ALKBH8: variants seen among roughly 807,000 people sequenced by gnomAD.
ALKBH8 encodes alkB homolog 8, tRNA methyltransferase.
A neutral mutation model predicts 59.8 loss-of-function variants in ALKBH8; 36 were observed. That is an observed-to-expected ratio of 0.60 (90% CI 0.46 to 0.79). The LOEUF is 0.79. Among genes scored for constraint, ALKBH8 ranks in the 30% least tolerant of loss-of-function variants. The pLI is 0.00. For missense variants in ALKBH8, 768 were observed against 801.0 expected (o/e 0.96, Z 0.50); for synonymous variants, 276 against 273.6 (o/e 1.01, Z -0.09).
chr11:107,514,648 A>G (rs1373282582), intron 10 of ALKBH8, among the ~76,000 whole-genome samples: 1 of 152,198 alleles, frequency 6.6e-6, no homozygotes, highest in Non-Finnish European at 1.5e-5. Flanking sequence ...GCCAACAGTC[A>G]GAATATCAAG....
chr11:107,505,833 G>A (rs943754839), intron 11 of ALKBH8, among the ~76,000 whole-genome samples: 3 of 152,324 alleles, frequency 2.0e-5, no homozygotes, highest in Admixed American at 6.5e-5. Flanking sequence ...AACAGAATAT[G>A]AGCAGAATGC....
chr11:107,527,502 A>G (rs1863403652), intron 8 of ALKBH8, among the ~76,000 whole-genome samples: 1 of 152,036 alleles, frequency 6.6e-6, no homozygotes, highest in African/African-American at 2.4e-5. Flanking sequence ...TGTCATTGCC[A>G]TATTTCACTC....
intron 8 of ALKBH8, 45 bp downstream of exon 8, chr11:107,532,255 G>C (rs1467184105): frequency 6.6e-7 from 1 of 1,517,510 alleles, no homozygotes; most frequent in East Asian, 2.3e-5. Context: ...AGAAGAATGA[G>C]AAGTCTCATA....
At position 107,511,044 on chromosome 11, in the gene ALKBH8, A is replaced by G; in HGVS notation, c.1288-8T>C. 2.6e-6 allele frequency: 4 copies of G among 1,550,932 alleles called. No individual in the cohort carries two copies. The highest frequency in any genetic ancestry group is 3.5e-6 in the Non-Finnish European group (4 of 1,146,654). ...GCTACGATCACAACCAATCTGTAAC[A>G]GAGAAGGAATTCCATAACATTTTGT... On this transcript the variant is annotated splice_region_variant and splice_polypyrimidine_tract_variant and intron_variant, in intron 10 of 11. Transcript: ENST00000428149.
In ALKBH8 at chr11:107,532,400, T is replaced by G. The variant is rs189375930; in HGVS notation, c.778A>C (p.Met260Leu). 3.0e-5 allele frequency: 49 copies of G among 1,612,934 alleles called. No homozygotes were observed. ...VSLSLGSEIVMDFKHPDGIAV... is the reference protein window; with the variant it reads ...VSLSLGSEIVLDFKHPDGIAV... ...ATGCCATCTGGGTGCTTAAAATCCA[T>G]GACAATCTTGAAGCAAAGATAAAAG... Residue 260 changes from methionine to leucine, a missense_variant, in exon 8 of 12, where the codon ATG (methionine) becomes CTG (leucine). Physicochemically the swap from Met to Leu is conservative, Grantham distance 15. Transcript: ENST00000428149.
chr11:107,531,041 TAAG>T (rs924485021), intron 8 of ALKBH8, among the ~76,000 whole-genome samples: 58 of 152,278 alleles, frequency 3.8e-4, no homozygotes, highest in African/African-American at 1.3e-3. Flanking sequence ...CTCAGAAGTA[TAAG>T]AAGACCTGAA....
At chr11:107,513,845 C>T (rs2135480300) in intron 10 of ALKBH8, among the ~76,000 whole-genome samples, 1 of 152,160 alleles carries the variant, frequency 6.6e-6, no homozygotes, top group South Asian at 2.1e-4. Flanking sequence ...ATGCTGAGTA[C>T]ACATGGACAC....
At chr11:107,546,486 C>CT (rs1864260199) in intron 7 of ALKBH8, among the ~76,000 whole-genome samples, 1 of 152,112 alleles carries the variant, frequency 6.6e-6, no homozygotes, top group Admixed American at 6.5e-5. Flanking sequence ...CAGCCTACTC[C>CT]TTGGATATTT....
At position 107,531,808 on chromosome 11, in the gene ALKBH8, A is replaced by G. The variant is rs1044135398; in HGVS notation, c.878+492T>C. On this transcript the variant is annotated intron_variant, in intron 8 of 11. Transcript: ENST00000428149. ...TTCTTCATTGTTTTTTTGTCTTACA[A>G]CCTTTAAAAATGTAAAAACCATTCT... Among the ~76,000 whole-genome samples the G allele has an allele frequency of 8.5e-5, 13 of 152,186 alleles. 1 individual carries two copies. The highest frequency in any genetic ancestry group is 1.8e-4 in the Non-Finnish European group (12 of 68,032).
At chr11:107,541,611 A>G (rs1375014150) in intron 7 of ALKBH8, among the ~76,000 whole-genome samples, 1 of 152,222 alleles carries the variant, frequency 6.6e-6, no homozygotes, top group East Asian at 1.9e-4. Context: ...ACACAGCTTT[A>G]GCATTTCAGC....
chr11:107,565,602 T>G lies in ALKBH8; in HGVS notation c.-8A>C. 6.5e-7 allele frequency: 1 copy of G among 1,535,714 alleles called. No homozygotes were observed. Among genetic ancestry groups the G allele is most frequent in the Non-Finnish European group, 8.7e-7 (1 of 1,146,912 alleles). ...CCGCCAGTAAGAAGTGCCACACACC[T>G]CCGCTTCGGCTCAGGCCGGATTCTC... On this transcript the variant is annotated splice_region_variant and 5_prime_UTR_variant, in exon 1 of 12. Transcript: ENST00000428149.
intron 8 of ALKBH8, among the ~76,000 whole-genome samples, chr11:107,527,871 G>A (rs1359396306): frequency 1.8e-4 from 28 of 151,964 alleles, no homozygotes; most frequent in Admixed American, 1.8e-3. Context: ...AGGAGTATGA[G>A]CGGACATCCC....
intron 7 of ALKBH8, among the ~76,000 whole-genome samples, chr11:107,539,675 G>A (rs1390024862): frequency 6.6e-6 from 1 of 151,942 alleles, no homozygotes; most frequent in African/African-American, 2.4e-5. Context: ...GGTAAGGGAT[G>A]TTTAAAAAAC....
chr11:107,546,376 G>T (rs1482217019), intron 7 of ALKBH8, among the ~76,000 whole-genome samples: 1 of 152,188 alleles, frequency 6.6e-6, no homozygotes, highest in Non-Finnish European at 1.5e-5. Context: ...GCAAAGGCAG[G>T]CTGCAATTTA....
rs1253696304 is a variant in ALKBH8 at position 107,504,304 on chromosome 11, C to T, written c.*354G>A. The T allele has an allele frequency of 5.6e-6, 3 of 532,346 alleles. No individual in the cohort carries two copies. In the Admixed American group the frequency reaches 1.1e-4, roughly 19 times the overall value. 33.0% of individuals were successfully genotyped at this position (532,346 alleles called of 1,614,324 possible). ...TATTTTCTGTATTAACATATAATTA[C>T]ATCCCTAAAATCCTACATGATTTAC... is the stretch of plus-strand genomic sequence containing the variant. On this transcript the variant is annotated 3_prime_UTR_variant, in exon 12 of 12. Transcript: ENST00000428149.
intron 4 of ALKBH8, among the ~76,000 whole-genome samples, chr11:107,553,531 T>C (rs1052453628): frequency 2.0e-5 from 3 of 152,064 alleles, no homozygotes; most frequent in Non-Finnish European, 4.4e-5. Flanking sequence ...TATTATAATA[T>C]TGTGGTACTG....
intron 7 of ALKBH8, among the ~76,000 whole-genome samples, chr11:107,538,889 C>T (rs1863927514): frequency 6.6e-6 from 1 of 152,046 alleles, no homozygotes; most frequent in Non-Finnish European, 1.5e-5. Flanking sequence ...GGACAGGGGA[C>T]AATATGATGT....
chr11:107,530,653 T>C (rs1263878026), intron 8 of ALKBH8, among the ~76,000 whole-genome samples: 2 of 122,702 alleles, frequency 1.6e-5, no homozygotes, highest in East Asian at 5.8e-4. Flanking sequence ...ACACACAGAG[T>C]GATGTTACAG....
intron 7 of ALKBH8, among the ~76,000 whole-genome samples, chr11:107,547,668 T>TAAG (rs140050928): frequency 0.75 from 114,294 of 151,758 alleles, 44,202 homozygotes; most frequent in South Asian, 0.85. Flanking sequence ...ATAAGGGTTT[T>TAAG]AAGAATATGT....
Sources: allele counts gnomAD v4.1 joint callset (sites outside exome capture counted in the v4.1 genomes callset), GRCh38; gene constraint gnomAD v4.1.1; transcripts MANE v1.5; gene names NCBI Gene and HGNC (gene_info 2026-07-23, HGNC 2026-07-21).